Variants in GRIK4 observed in about 807,000 individuals in gnomAD.
GRIK4 encodes glutamate receptor ionotropic, kainate 4.
GRIK4 carries 40 observed loss-of-function variants against 104.9 expected under a neutral mutation model. That is an observed-to-expected ratio of 0.38 (90% CI 0.30 to 0.50). The LOEUF (loss-of-function observed/expected upper bound fraction) is 0.50, where lower values mean the gene tolerates loss of function less well. Among genes scored for constraint, GRIK4 ranks in the 20% least tolerant of loss-of-function variants. GRIK4 has a pLI of 0.93. For missense variants in GRIK4, 1,047 were observed against 1,308.1 expected (o/e 0.80, Z 3.08); for synonymous variants, 485 against 524.9 (o/e 0.92, Z 1.04).
At chr11:120,522,925 C>T (rs188025952) in intron 1 of GRIK4, among the ~76,000 whole-genome samples, 2 of 152,094 alleles carry the variant, frequency 1.3e-5, no homozygotes, top group East Asian at 1.9e-4. Context: ...GGCACAGCCA[C>T]GGAGCAGCAC....
In GRIK4 at chr11:120,874,993, G is replaced by A. The variant is rs549041374; in HGVS notation, c.1060-146G>A. 246 of 637,118 alleles carry A rather than the reference G, an allele frequency of 3.9e-4. 4 individuals carry two copies. In the South Asian group the frequency reaches 4.5e-3, roughly 12 times the overall value. The allele number at this position is 637,118 out of a possible 1,614,324, so 39.5% of individuals were successfully genotyped here. ...GACATCACATTTGTCATCTCAAGAT[G>A]CCTTGGCTGTGTGTGGGCAGGAGAA... On this transcript the variant is annotated intron_variant, in intron 10 of 20. Coordinates refer to ENST00000527524, the MANE Select transcript of GRIK4 (RefSeq NM_014619.5).
At chr11:120,619,519 G>A (rs1429397546) in intron 1 of GRIK4, among the ~76,000 whole-genome samples, 1 of 152,194 alleles carries the variant, frequency 6.6e-6, no homozygotes, top group African/African-American at 2.4e-5. Context: ...GTGAAATGAT[G>A]TGATTTGAAG....
intron 13 of GRIK4, among the ~76,000 whole-genome samples, chr11:120,923,912 C>T (rs1171945205): frequency 3.9e-5 from 6 of 152,144 alleles, no homozygotes; most frequent in Admixed American, 6.5e-5. Context: ...TTCATCCACC[C>T]AGCACACTGT....
chr11:120,852,329 T>C (rs1953993017), intron 8 of GRIK4, among the ~76,000 whole-genome samples: 1 of 152,224 alleles, frequency 6.6e-6, no homozygotes, highest in Non-Finnish European at 1.5e-5. Context: ...TCTACCCTGA[T>C]GGGTGTTTGC....
At chr11:120,679,036 G>A (rs10892608) in intron 3 of GRIK4, among the ~76,000 whole-genome samples, 69,465 of 151,846 alleles carry the variant, frequency 0.46, 16,247 homozygotes, top group East Asian at 0.55. Flanking sequence ...CCTAAAGGGA[G>A]AGAAGAGTTT....
chr11:120,920,132 C>T (rs1331627207), intron 13 of GRIK4, among the ~76,000 whole-genome samples: 1 of 152,176 alleles, frequency 6.6e-6, no homozygotes, highest in Non-Finnish European at 1.5e-5. Context: ...CAGCTATGAG[C>T]TGTGTGGACT....
intron 3 of GRIK4, among the ~76,000 whole-genome samples, chr11:120,729,559 C>A (rs1329488652): frequency 6.6e-6 from 1 of 152,184 alleles, no homozygotes; most frequent in Non-Finnish European, 1.5e-5. Flanking sequence ...TGTACGTCTT[C>A]TTTTGAGAAA....
At chr11:120,641,901 G>T (rs1949476030) in intron 1 of GRIK4, among the ~76,000 whole-genome samples, 1 of 152,172 alleles carries the variant, frequency 6.6e-6, no homozygotes, top group Admixed American at 6.5e-5. Context: ...AAACACTTCT[G>T]ACGCTTTGGC....
intron 3 of GRIK4, among the ~76,000 whole-genome samples, chr11:120,680,660 A>G (rs533985453): frequency 1.3e-5 from 2 of 152,340 alleles, no homozygotes; most frequent in East Asian, 3.9e-4. Flanking sequence ...TTGGGGCCAC[A>G]TACTCACTGG....
In GRIK4 at chr11:120,905,460, C is replaced by A. The variant is rs1312103954; in HGVS notation, c.1443C>A (p.Thr481=). 1 of 1,401,056 alleles carries A rather than the reference C, an allele frequency of 7.1e-7. No individual in the cohort carries two copies. The highest frequency in any genetic ancestry group is 1.5e-5 in the African/African-American group (1 of 67,582). 86.8% of individuals were successfully genotyped at this position (1,401,056 alleles called of 1,614,324 possible). Residue 481 remains threonine, a synonymous_variant, in exon 13 of 21, where the codon ACC becomes ACA. Transcript: ENST00000527524. This position sits in a 1 kb window ranked among gnomAD's most constrained non-coding sequence, Gnocchi z 5.1. ...GVYGVPEANG[T]WTGMVGELIA... is the part of the protein sequence containing the mutation. ...ACGGCGTTCCCGAGGCCAACGGCAC[C>A]TGGACGGGAATGGTCGGGGAGCTGA...
At chr11:120,515,207 A>G (rs1406383275) in intron 1 of GRIK4, among the ~76,000 whole-genome samples, 1 of 151,806 alleles carries the variant, frequency 6.6e-6, no homozygotes, top group African/African-American at 2.4e-5. Flanking sequence ...CCATCCATAT[A>G]TTGCCCAGCC....
At chr11:120,815,329 G>T (rs895446170) in intron 4 of GRIK4, 49 bp from the exon 5 acceptor site, 5 of 1,126,274 alleles carry the variant, frequency 4.4e-6, no homozygotes, top group Non-Finnish European at 6.6e-6. Context: ...GCGCAAGCCC[G>T]ACCTGATGAG....
intron 1 of GRIK4, among the ~76,000 whole-genome samples, chr11:120,547,907 AG>A (rs1423895501): frequency 6.6e-6 from 1 of 152,150 alleles, no homozygotes; most frequent in Non-Finnish European, 1.5e-5. Context: ...GCCGGGTATG[AG>A]GGGAGTCTGC....
intron 1 of GRIK4, among the ~76,000 whole-genome samples, chr11:120,539,546 C>A (rs531463996): frequency 6.6e-6 from 1 of 152,184 alleles, no homozygotes; most frequent in Non-Finnish European, 1.5e-5. Flanking sequence ...ATGTGGCCAT[C>A]GGCTGTGAAG....
chr11:120,606,938 G>A (rs963436147), intron 1 of GRIK4, among the ~76,000 whole-genome samples: 1 of 152,186 alleles, frequency 6.6e-6, no homozygotes, highest in Non-Finnish European at 1.5e-5. Flanking sequence ...GGAGGGTTCC[G>A]GAGGGGCCTG....
chr11:120,819,958 A>C lies in GRIK4; in HGVS notation c.511+38A>C. ...AGGCTGGCTCTGCCCCAGACAGTCC[A>C]GTCTTGTTGATTTTGCCCTGATTCC... On this transcript the variant is annotated intron_variant, in intron 6 of 20. Coordinates refer to ENST00000527524, the MANE Select transcript of GRIK4 (RefSeq NM_014619.5). The surrounding 1 kb of genome is among the most constrained non-coding windows in gnomAD (Gnocchi z 4.3). The C allele has an allele frequency of 6.3e-7, 1 of 1,599,128 alleles. No individual in the cohort carries two copies. Among genetic ancestry groups the C allele is most frequent in the Non-Finnish European group, 8.6e-7 (1 of 1,169,532 alleles).
At chr11:120,585,236 G>A (rs1836995977) in intron 1 of GRIK4, among the ~76,000 whole-genome samples, 1 of 152,122 alleles carries the variant, frequency 6.6e-6, no homozygotes, top group South Asian at 2.1e-4. Flanking sequence ...TCCACAACTT[G>A]GCTATTGTGA....
chr11:120,694,832 T>C (rs1950415825), intron 3 of GRIK4, among the ~76,000 whole-genome samples: 1 of 152,020 alleles, frequency 6.6e-6, no homozygotes, highest in Non-Finnish European at 1.5e-5. Context: ...TTAATTTGCT[T>C]CCCTTTATAA....
At chr11:120,924,783 A>G (rs140747422) in intron 13 of GRIK4, among the ~76,000 whole-genome samples, 1 of 152,358 alleles carries the variant, frequency 6.6e-6, no homozygotes, top group African/African-American at 2.4e-5. Context: ...CATATGAGCC[A>G]TGTCAACAAG....
Sources: allele counts gnomAD v4.1 joint callset (sites outside exome capture counted in the v4.1 genomes callset), GRCh38; gene constraint gnomAD v4.1.1; non-coding constraint Gnocchi (gnomAD v3.1); transcripts MANE v1.5; gene names NCBI Gene and HGNC (gene_info 2026-07-23, HGNC 2026-07-21).